Variants in PARP8 observed in about 807,000 individuals in gnomAD.
PARP8 encodes the protein poly(ADP-ribose) polymerase family member 8, also known as protein mono-ADP-ribosyltransferase PARP8.
In PARP8, 51 loss-of-function variants were observed where a neutral mutation model predicts 124.1. The observed-to-expected ratio is 0.41, with a 90% CI of 0.33 to 0.52. PARP8 has a LOEUF of 0.52. Among genes scored for constraint, PARP8 ranks in the 20% least tolerant of loss-of-function variants. The pLI, the probability that PARP8 is intolerant of heterozygous loss-of-function variation, is 0.21. For missense variants in PARP8, 860 were observed against 1,018.9 expected, an observed-to-expected ratio of 0.84 and a Z score of 2.12; for synonymous variants, 391 against 361.5, an observed-to-expected ratio of 1.08 and a Z score of -0.93.
Position 50,829,903 on chromosome 5 carries a change from A to C in PARP8, c.2175A>C (p.Ala725=). The C allele has an allele frequency of 1.2e-6, 2 of 1,607,498 alleles. No individual in the cohort carries two copies. The highest frequency in any genetic ancestry group is 1.7e-6 in the Non-Finnish European group (2 of 1,176,424). Residue 725 remains alanine (A), a synonymous_variant, in exon 22 of 26, where the codon GCA becomes GCC. Transcript: ENST00000281631. ...TCTTCCCATCTTAGCTCCATGGTGC[A>C]ATGTATGGAAGTGGAATCTATCTTA... ...ASNTRLQLHG[A]MYGSGIYLSP... is the part of the protein sequence containing the mutation.
At chr5:50,828,445 C>A in intron 21 of PARP8, 61 bp downstream of exon 21, 1 of 1,457,454 alleles carries the variant, frequency 6.9e-7, no homozygotes, top group Non-Finnish European at 9.6e-7. Flanking sequence ...ATTCAGTAAG[C>A]AACCCTGTTG....
At chr5:50,786,612 C>G (rs1176364864) in intron 9 of PARP8, among the ~76,000 whole-genome samples, 2 of 151,932 alleles carry the variant, frequency 1.3e-5, no homozygotes, top group Non-Finnish European at 2.9e-5. Context: ...AAGCAATTCA[C>G]CTGCCTGAGC....
chr5:50,753,219 T>C (rs1041730762), intron 3 of PARP8, among the ~76,000 whole-genome samples: 1 of 152,040 alleles, frequency 6.6e-6, no homozygotes, highest in African/African-American at 2.4e-5. Context: ...AGTTCTTTAA[T>C]TTTCTCTTTC....
At chr5:50,744,885 C>T in intron 2 of PARP8, 1 of 662,456 alleles carries the variant, frequency 1.5e-6, no homozygotes, top group Non-Finnish European at 2.7e-6. Flanking sequence ...CTGCCTGCTA[C>T]ATGGCATTTA....
chr5:50,773,198 T>G (rs997045400), intron 7 of PARP8, among the ~76,000 whole-genome samples: 4 of 152,214 alleles, frequency 2.6e-5, no homozygotes, highest in South Asian at 2.1e-4. Flanking sequence ...CATTTGTCCA[T>G]TTTTGCTTTT....
intron 2 of PARP8, among the ~76,000 whole-genome samples, chr5:50,730,635 T>C (rs546384052): frequency 6.6e-6 from 1 of 152,326 alleles, no homozygotes; most frequent in African/African-American, 2.4e-5. Flanking sequence ...CCAATTCTTA[T>C]TTCTTAAAAA....
At chr5:50,755,243 G>A (rs997712679) in intron 3 of PARP8, among the ~76,000 whole-genome samples, 1 of 152,184 alleles carries the variant, frequency 6.6e-6, no homozygotes, top group Non-Finnish European at 1.5e-5. Flanking sequence ...TTTTAGACAT[G>A]AAGTCCTTGC....
intron 19 of PARP8, 35 bp from the exon 20 acceptor site, chr5:50,827,909 T>C (rs1746521697): frequency 7.0e-7 from 1 of 1,426,982 alleles, no homozygotes; most frequent in East Asian, 2.3e-5. Flanking sequence ...TGTTAAGTTT[T>C]ACATGTTTTT....
At position 50,797,241 on chromosome 5, in the gene PARP8, C is replaced by A; in HGVS notation, c.1575+8C>A. ...AATGGCCCTATGCTTAGGGTAAGTT[C>A]TTGCTGATAGAATGTCCGTGTTGGT... is the stretch of plus-strand genomic sequence containing the variant. On this transcript the variant is annotated splice_region_variant and intron_variant, in intron 14 of 25. Transcript: ENST00000281631. The A allele has an allele frequency of 6.4e-7, 1 of 1,572,932 alleles. No homozygotes were observed. The highest frequency in any genetic ancestry group is 8.7e-7 in the Non-Finnish European group (1 of 1,147,984).
At chr5:50,700,504 A>G (rs1238919568) in intron 2 of PARP8, among the ~76,000 whole-genome samples, 1 of 152,310 alleles carries the variant, frequency 6.6e-6, no homozygotes, top group Non-Finnish European at 1.5e-5. Context: ...CATCTATATT[A>G]TCAATATAAT....
chr5:50,845,293 G>GA lies in PARP8; in HGVS notation c.*3230dup, dbSNP rs913999056. 1.3e-4 allele frequency: 19 copies of GA among 151,686 alleles called. No individual in the cohort carries two copies. Among genetic ancestry groups the GA allele is most frequent in the African/African-American group, 4.3e-4 (18 of 41,490 alleles). The allele number at this position is 151,686 out of a possible 1,614,324, so 9.4% of individuals were successfully genotyped here. On this transcript the variant is annotated 3_prime_UTR_variant, in exon 26 of 26. Coordinates refer to ENST00000281631, the MANE Select transcript of PARP8 (RefSeq NM_024615.4). ...GCATGGGGTTTCAGAAAGTTTTGAC[G>GA]AAAAACTCATCTTCATTAAAGAGTC... is the stretch of plus-strand genomic sequence containing the variant.
intron 7 of PARP8, among the ~76,000 whole-genome samples, chr5:50,775,241 C>T (rs770586145): frequency 2.6e-5 from 4 of 152,182 alleles, no homozygotes; most frequent in South Asian, 2.1e-4. Flanking sequence ...GCCGAGATCA[C>T]GCCACTGCAC....
chr5:50,827,811 C>T, intron 19 of PARP8, 133 bp from the exon 20 acceptor site: 2 of 641,212 alleles, frequency 3.1e-6, no homozygotes. Context: ...AATTAGCTTG[C>T]TAATGTGGTT....
In PARP8 at chr5:50,830,658, T is replaced by TACA. The variant is rs554968502; in HGVS notation, c.2233+697_2233+698insACA. Reference sequence around the variant, plus strand: ...TGGTTTAAATATAAAATAATTATGCTCATTGTATAAATTCAAGCTACACAG... The same window carrying TACA: ...TGGTTTAAATATAAAATAATTATGCTACACATTGTATAAATTCAAGCTACACAG... On this transcript the variant is annotated intron_variant, in intron 22 of 25. Transcript: ENST00000281631. Among the ~76,000 whole-genome samples the TACA allele has an allele frequency of 1.0e-3, 154 of 152,324 alleles. 2 individuals are homozygous for TACA. The highest frequency in any genetic ancestry group is 3.7e-3 in the African/African-American group (153 of 41,576).
intron 2 of PARP8, among the ~76,000 whole-genome samples, chr5:50,671,504 T>TA (rs56008455): frequency 4.7e-5 from 7 of 148,540 alleles, no homozygotes; most frequent in Admixed American, 2.7e-4. Flanking sequence ...TTGTGTTTTG[T>TA]AAAAAAAAAA....
intron 2 of PARP8, among the ~76,000 whole-genome samples, chr5:50,719,372 T>G (rs1455809457): frequency 6.6e-6 from 1 of 152,080 alleles, no homozygotes; most frequent in South Asian, 2.1e-4. Flanking sequence ...TACCTATGCT[T>G]TTGATGTCTT....
intron 16 of PARP8, among the ~76,000 whole-genome samples, chr5:50,821,770 C>A (rs1156474419): frequency 6.6e-6 from 1 of 152,214 alleles, no homozygotes; most frequent in Admixed American, 6.5e-5. Context: ...GTTTCTATTA[C>A]TACTCAGCTT....
intron 7 of PARP8, among the ~76,000 whole-genome samples, chr5:50,776,800 A>G (rs1740082615): frequency 1.3e-5 from 2 of 152,208 alleles, no homozygotes; most frequent in Non-Finnish European, 2.9e-5. Flanking sequence ...ACAATTATGT[A>G]TTATAATTCT....
intron 2 of PARP8, among the ~76,000 whole-genome samples, chr5:50,743,650 G>C (rs981854255): frequency 6.6e-6 from 1 of 152,050 alleles, no homozygotes; most frequent in African/African-American, 2.4e-5. Flanking sequence ...GACCTAACCA[G>C]GCACGATGGC....
Sources: allele counts gnomAD v4.1 joint callset (sites outside exome capture counted in the v4.1 genomes callset), GRCh38; gene constraint gnomAD v4.1.1; transcripts MANE v1.5; gene names NCBI Gene and HGNC (gene_info 2026-07-23, HGNC 2026-07-21).